The following SBF2 variants were observed in gnomAD, a reference collection of about 807,000 sequenced individuals.
The protein encoded by SBF2 is myotubularin-related protein 13.
Under a neutral mutation model 225.2 loss-of-function variants are expected in SBF2, and 112 were observed. That is an observed-to-expected ratio of 0.50 (90% CI 0.43 to 0.58). The LOEUF (loss-of-function observed/expected upper bound fraction) is 0.58. SBF2 is among the 20% of genes least tolerant of loss of function. The probability of loss-of-function intolerance (pLI) is 0.00; values close to 1 mark genes in which losing one functional copy is unlikely to be tolerated. For synonymous variants in SBF2, 763 were observed against 773.3 expected (o/e 0.99, Z 0.22); for missense variants, 1,996 against 2,206.2 (o/e 0.90, Z 1.91).
chr11:10,010,182 T>C (rs1211629569), intron 6 of SBF2, among the ~76,000 whole-genome samples: 1 of 152,218 alleles, frequency 6.6e-6, no homozygotes, highest in Non-Finnish European at 1.5e-5. Context: ...TTTTCTCGCA[T>C]TCTGTAGGTT....
In SBF2 at chr11:9,918,896, G is replaced by A. The variant is rs534302249; in HGVS notation, c.1861-22885C>T. Among the ~76,000 whole-genome samples the A allele has an allele frequency of 2.1e-3, 313 of 151,948 alleles. 1 individual carries two copies. The South Asian group carries it at 0.021, about 10-fold the overall frequency. ...TGGGACTACAGGCGCCTGCCACCACGCCCGGCTAATTTTTTCTATTTTTTT... is the reference window on the plus strand; with the variant it reads ...TGGGACTACAGGCGCCTGCCACCACACCCGGCTAATTTTTTCTATTTTTTT... On this transcript the variant is annotated intron_variant, in intron 16 of 39. Transcript: ENST00000256190.
chr11:9,902,494 A>G (rs1861797650), intron 16 of SBF2, among the ~76,000 whole-genome samples: 2 of 152,200 alleles, frequency 1.3e-5, no homozygotes, highest in South Asian at 4.1e-4. Flanking sequence ...CTGTCTCCCT[A>G]GAATATATAA....
chr11:10,265,575 A>G (rs888967753), intron 1 of SBF2, among the ~76,000 whole-genome samples: 2 of 151,932 alleles, frequency 1.3e-5, no homozygotes, highest in Non-Finnish European at 2.9e-5. Flanking sequence ...TACAGTCAAT[A>G]TAAAAAATCT....
At chr11:9,914,786 A>C (rs1862932425) in intron 16 of SBF2, among the ~76,000 whole-genome samples, 1 of 152,098 alleles carries the variant, frequency 6.6e-6, no homozygotes, top group African/African-American at 2.4e-5. Flanking sequence ...GGCAAAATAT[A>C]AATCTGTACA....
chr11:9,895,689 G>A (rs1365400938), intron 17 of SBF2, among the ~76,000 whole-genome samples: 1 of 152,112 alleles, frequency 6.6e-6, no homozygotes, highest in Non-Finnish European at 1.5e-5. Context: ...ATAAATTCAG[G>A]TGTTATGAAG....
Position 9,817,006 on chromosome 11 carries a change from C to G in SBF2, c.3812G>C (p.Arg1271Pro), listed in dbSNP as rs201249004. The G allele has an allele frequency of 6.2e-7, 1 of 1,613,888 alleles. No homozygotes were observed. Among genetic ancestry groups the G allele is most frequent in the African/African-American group, 1.3e-5 (1 of 74,868 alleles). ...ALSPGVWASL[R>P]SSTRLISSPT... ...AGAGCTGATCAAGCGAGTGCTAGAG[C>G]GAAGACTTGCCCACACACCTTCACA... The change falls in exon 29 of 40, where the codon CGC becomes CCC. Residue 1271 changes from arginine (R) to proline (P), a missense_variant. Physicochemically the swap from Arg to Pro is moderately radical, Grantham distance 103. Transcript: ENST00000256190.
chr11:10,272,792 C>T (rs550866378), intron 1 of SBF2, among the ~76,000 whole-genome samples: 3 of 111,386 alleles, frequency 2.7e-5, no homozygotes, highest in South Asian at 5.9e-4. Context: ...AATAACATGC[C>T]GGGCGCGGTG....
At chr11:9,990,712 T>C (rs1011017031) in intron 12 of SBF2, among the ~76,000 whole-genome samples, 1 of 152,192 alleles carries the variant, frequency 6.6e-6, no homozygotes, top group Non-Finnish European at 1.5e-5. Context: ...CCTTGCCTTA[T>C]CATTGTTTCC....
At position 9,928,557 on chromosome 11, in the gene SBF2, A is replaced by G. The variant is rs192492665; in HGVS notation, c.1861-32546T>C. On this transcript the variant is annotated intron_variant, in intron 16 of 39. Transcript: ENST00000256190. ...AGCTTGGACATTTCTTAAAAAGTTA[A>G]AAGTACACATACTATAGGGTCCAGC... 3.3e-5 allele frequency among the ~76,000 whole-genome samples: 5 copies of G among 152,336 alleles called. No individual in the cohort carries two copies. In the East Asian group the frequency reaches 9.6e-4, roughly 29 times the overall value.
intron 6 of SBF2, among the ~76,000 whole-genome samples, chr11:10,012,423 T>C (rs951352496): frequency 1.3e-5 from 2 of 152,240 alleles, no homozygotes; most frequent in Non-Finnish European, 2.9e-5. Context: ...ATTACAGGTA[T>C]GAGCCACGAT....
At chr11:9,870,779 T>C (rs1375785952) in intron 17 of SBF2, among the ~76,000 whole-genome samples, 1 of 151,986 alleles carries the variant, frequency 6.6e-6, no homozygotes, top group African/African-American at 2.4e-5. Context: ...ATTGAGACTA[T>C]CCTGGCCAAC....
intron 1 of SBF2, among the ~76,000 whole-genome samples, chr11:10,215,644 T>G (rs1958101528): frequency 1.4e-5 from 2 of 146,768 alleles, no homozygotes; most frequent in African/African-American, 5.1e-5. Flanking sequence ...CAAAAAACCA[T>G]GTACCTCTTA....
intron 2 of SBF2, among the ~76,000 whole-genome samples, chr11:10,072,467 T>G (rs547840071): frequency 6.6e-6 from 1 of 152,112 alleles, no homozygotes; most frequent in African/African-American, 2.4e-5. Context: ...GTTGAAGATA[T>G]ACTTCTATTT....
intron 6 of SBF2, among the ~76,000 whole-genome samples, chr11:10,008,203 G>A (rs1590742435): frequency 3.9e-5 from 6 of 152,294 alleles, no homozygotes; most frequent in Admixed American, 6.5e-5. Context: ...GCAGAACAAA[G>A]GCTGTGAACT....
At chr11:10,104,766 A>G (rs1247435323) in intron 2 of SBF2, among the ~76,000 whole-genome samples, 4 of 146,314 alleles carry the variant, frequency 2.7e-5, no homozygotes, top group Non-Finnish European at 6.3e-5. Context: ...TAATCCTCCA[A>G]TAGATTTTCT....
chr11:9,822,607 C>T (rs867279898), intron 28 of SBF2, among the ~76,000 whole-genome samples: 4 of 152,274 alleles, frequency 2.6e-5, no homozygotes, highest in South Asian at 2.1e-4. Flanking sequence ...TGACCTTGGA[C>T]CCAATCAGTA....
At chr11:9,959,828 G>C (rs1866443886) in intron 16 of SBF2, 1 of 569,388 alleles carries the variant, frequency 1.8e-6, no homozygotes, top group Middle Eastern at 4.3e-4. Flanking sequence ...GGTAGGTAAA[G>C]GTAGGCTGCG....
At chr11:10,173,888 C>A (rs1026975216) in intron 2 of SBF2, among the ~76,000 whole-genome samples, 10 of 151,720 alleles carry the variant, frequency 6.6e-5, no homozygotes, top group African/African-American at 2.2e-4. Flanking sequence ...GAGGCACCCC[C>A]CAGCAGGGGC....
chr11:9,823,552 T>TCCTATCTTC (rs1207345633), intron 28 of SBF2, among the ~76,000 whole-genome samples: 7 of 151,328 alleles, frequency 4.6e-5, no homozygotes, highest in African/African-American at 1.7e-4. Context: ...GAGGCTCCTC[T>TCCTATCTTC]CACAGTGGTA....
Sources: gnomAD v4.1 joint callset for allele counts (sites outside exome capture counted in the v4.1 genomes callset) on GRCh38, gnomAD v4.1.1 for gene constraint, MANE v1.5 for transcripts, NCBI Gene and HGNC (gene_info 2026-07-23, HGNC 2026-07-21) for gene names.